The following SMARCC2 variants were observed in gnomAD, a reference collection of about 807,000 sequenced individuals.
SMARCC2 encodes the protein SWI/SNF related BAF chromatin remodeling complex subunit C2, also known as SWI/SNF complex subunit SMARCC2.
SMARCC2 carries 15 observed loss-of-function variants against 151.3 expected under a neutral mutation model. That is an observed-to-expected ratio of 0.10 (90% CI 0.07 to 0.15). The LOEUF is 0.15. SMARCC2 is among the 10% of genes least tolerant of loss of function. The pLI is 1.00. For synonymous variants in SMARCC2, 590 were observed against 609.5 expected (o/e 0.97, Z 0.47); for missense variants, 1,031 against 1,599.7 (o/e 0.64, Z 6.06).
Position 56,163,679 on chromosome 12 carries a change from G to A in SMARCC2, c.*10C>T, listed in dbSNP as rs1202414103. 2 of 1,484,996 alleles carry A rather than the reference G, an allele frequency of 1.3e-6. No homozygotes were observed. The highest frequency in any genetic ancestry group is 1.8e-6 in the Non-Finnish European group (2 of 1,119,032). 92.0% of individuals were successfully genotyped at this position (1,484,996 alleles called of 1,614,324 possible). On this transcript the variant is annotated 3_prime_UTR_variant, in exon 29 of 29. Coordinates refer to ENST00000550164, the MANE Select transcript of SMARCC2 (RefSeq NM_001330288.2). ...CAGGGGGTGAGGGGGAGAGATGTCTGGCTGGCTCCTCACTGTGGAGGTGGC... is the reference window on the plus strand; with the variant it reads ...CAGGGGGTGAGGGGGAGAGATGTCTAGCTGGCTCCTCACTGTGGAGGTGGC...
At chr12:56,178,203 G>C (rs1266390629) in intron 14 of SMARCC2, 110 bp from the exon 15 acceptor site, 1 of 1,006,500 alleles carries the variant, frequency 9.9e-7, no homozygotes, top group Non-Finnish European at 1.5e-6. Flanking sequence ...CGAAATTGCT[G>C]AAGTTAGAAG....
chr12:56,169,851 G>A lies in SMARCC2; in HGVS notation c.2473C>T (p.Pro825Ser), dbSNP rs746337416. Residue 825 changes from proline (P) to serine (S), a missense_variant, in exon 24 of 29, where the codon CCC becomes TCC. Pro to Ser is a moderately conservative substitution (Grantham distance 74). Coordinates refer to ENST00000550164, the MANE Select transcript of SMARCC2 (RefSeq NM_001330288.2). Reference protein sequence around the residue: ...EEAKEKTSEAPKKDEEKGKEG... With the variant: ...EEAKEKTSEASKKDEEKGKEG... The stretch of plus-strand genomic sequence containing the variant: ...TTCCCTTTCTCCTCATCCTTCTTGG[G>A]AGCCTCGCTGGTTTTCTCTTTTGCT... 1 of 1,613,852 alleles carries A rather than the reference G, an allele frequency of 6.2e-7. No individual in the cohort carries two copies. Among genetic ancestry groups the A allele is most frequent in the Non-Finnish European group, 8.5e-7 (1 of 1,179,946 alleles).
intron 6 of SMARCC2, 59 bp from the exon 7 acceptor site, chr12:56,183,989 C>T: frequency 7.4e-7 from 1 of 1,357,382 alleles, no homozygotes; most frequent in Non-Finnish European, 1.0e-6. Context: ...AAAAAAAATA[C>T]TGTACAAAAG....
intron 25 of SMARCC2, 100 bp downstream of exon 25, chr12:56,169,429 G>A (rs767144361): frequency 2.9e-6 from 4 of 1,362,472 alleles, no homozygotes; most frequent in Non-Finnish European, 4.0e-6. Flanking sequence ...AAATAGGTCA[G>A]CATTATTTAA....
chr12:56,168,367 CT>C (rs909971958), intron 25 of SMARCC2, among the ~76,000 whole-genome samples, 173 bp from the exon 26 acceptor site: 1 of 150,968 alleles, frequency 6.6e-6, no homozygotes, highest in Non-Finnish European at 1.5e-5. Context: ...GCCACCGTGT[CT>C]TTTTTCTTTT....
At position 56,176,888 on chromosome 12, in the gene SMARCC2, C is replaced by G. The variant is rs1323557048; in HGVS notation, c.1382+1134G>C. 5.3e-5 allele frequency among the ~76,000 whole-genome samples: 8 copies of G among 152,136 alleles called. No individual in the cohort carries two copies. In the East Asian group the frequency reaches 1.5e-3, roughly 29 times the overall value. ...CCAGGCTGGAGTGCAATGGCGTAAT[C>G]TCGGCTCACTGCAACCTCCGCCTCC... is the stretch of plus-strand genomic sequence containing the variant. On this transcript the variant is annotated intron_variant, in intron 15 of 28. Transcript: ENST00000550164.
chr12:56,179,601 A>G (rs976439564), intron 11 of SMARCC2, among the ~76,000 whole-genome samples: 1 of 152,226 alleles, frequency 6.6e-6, no homozygotes, highest in Non-Finnish European at 1.5e-5. Flanking sequence ...TTGGTGGAGC[A>G]ATGTCTCCAA....
rs1270206546 is a variant in SMARCC2 at position 56,170,122 on chromosome 12, G to C, written c.2412+22C>G. On this transcript the variant is annotated intron_variant, in intron 23 of 28. Transcript: ENST00000550164. Reference sequence around the variant, plus strand: ...CACAGTGCTGCACGCAGCCCCTGCAGCTTCCAGAAATCCCTCTATACCTTG... The same window carrying C: ...CACAGTGCTGCACGCAGCCCCTGCACCTTCCAGAAATCCCTCTATACCTTG... The C allele has an allele frequency of 6.2e-6, 10 of 1,605,766 alleles. No homozygotes were observed. The East Asian group carries it at 2.2e-4, about 36-fold the overall frequency.
chr12:56,185,186 G>A, intron 3 of SMARCC2, 75 bp from the exon 4 acceptor site: 1 of 1,270,138 alleles, frequency 7.9e-7, no homozygotes, highest in Non-Finnish European at 1.1e-6. Context: ...TGACTTTTTT[G>A]TTTGTTTTTT....
chr12:56,169,377 G>A (rs563517534), intron 25 of SMARCC2, 152 bp downstream of exon 25: 18 of 953,592 alleles, frequency 1.9e-5, no homozygotes, highest in Non-Finnish European at 2.5e-5. Context: ...CTTAGAGAAG[G>A]GATGACTAAC....
intron 17 of SMARCC2, 93 bp downstream of exon 17, chr12:56,173,603 C>G (rs1874368161): frequency 2.5e-6 from 3 of 1,193,362 alleles, no homozygotes; most frequent in African/African-American, 3.0e-5. Context: ...CCTCAAAACA[C>G]TCCTGAACCA....
chr12:56,183,772 T>C (rs1592321410), intron 7 of SMARCC2, 89 bp downstream of exon 7: 6 of 812,232 alleles, frequency 7.4e-6, no homozygotes, highest in Middle Eastern at 2.7e-4. Context: ...AAAATAACTC[T>C]GAAAGAGTGG....
At chr12:56,167,949 GAAACACAC>G in intron 26 of SMARCC2, 103 bp downstream of exon 26, 1 of 959,184 alleles carries the variant, frequency 1.0e-6, no homozygotes, top group Non-Finnish European at 1.4e-6. Flanking sequence ...CTCTTTCACT[GAAACACAC>G]ACACACACAC....
At position 56,187,089 on chromosome 12, in the gene SMARCC2, A is replaced by C. The variant is rs528515643; in HGVS notation, c.231+98T>G. Reference sequence around the variant, plus strand: ...GGTGGAAAATAACCCAAATTTCAAAAATTACAAAATTCACAAATCTTTTTT... The same window carrying C: ...GGTGGAAAATAACCCAAATTTCAAACATTACAAAATTCACAAATCTTTTTT... On this transcript the variant is annotated intron_variant, in intron 2 of 28. Transcript: ENST00000550164. 77 of 1,358,332 alleles carry C rather than the reference A, an allele frequency of 5.7e-5. No homozygotes were observed. In the East Asian group the frequency reaches 1.7e-3, roughly 30 times the overall value. The allele number at this position is 1,358,332 out of a possible 1,614,324, so 84.1% of individuals were successfully genotyped here. A position where few individuals can be genotyped will look rare whatever the true frequency, so the allele number is the denominator to read the frequency against.
chr12:56,173,681 A>G lies in SMARCC2; in HGVS notation c.1650+15T>C. Reference sequence around the variant, plus strand: ...TCTTCCCAACCCGCCCCATCCCCATAGCACCTCACCCTACCTGAGGTGTCT... The same window carrying G: ...TCTTCCCAACCCGCCCCATCCCCATGGCACCTCACCCTACCTGAGGTGTCT... On this transcript the variant is annotated intron_variant, in intron 17 of 28. Coordinates refer to ENST00000550164, the MANE Select transcript of SMARCC2 (RefSeq NM_001330288.2). The G allele has an allele frequency of 1.9e-6, 3 of 1,603,852 alleles. No individual in the cohort carries two copies. Among genetic ancestry groups the G allele is most frequent in the Admixed American group, 1.7e-5 (1 of 58,558 alleles).
chr12:56,167,998 ACG>A (rs1491125864), intron 26 of SMARCC2, 60 bp downstream of exon 26: 28 of 1,325,752 alleles, frequency 2.1e-5, no homozygotes, highest in African/African-American at 1.1e-4. Context: ...ACACACACAC[ACG>A]CCCCTCCGAT....
rs1204846124 is a variant in SMARCC2 at position 56,184,901 on chromosome 12, G to A, written c.435C>T (p.Cys145=). The A allele has an allele frequency of 6.2e-7, 1 of 1,613,360 alleles. No individual in the cohort carries two copies. Among genetic ancestry groups the A allele is most frequent in the Non-Finnish European group, 8.5e-7 (1 of 1,179,356 alleles). The change falls in exon 5 of 29, where the codon TGC becomes TGT. Residue 145 remains cysteine, a synonymous_variant. Coordinates refer to ENST00000550164, the MANE Select transcript of SMARCC2 (RefSeq NM_001330288.2). ...CTAGTAGTTTGGGCTCAATTTCTGGGCACAGAAAAATGTTAGGTCGAGACA... is the reference window on the plus strand; with the variant it reads ...CTAGTAGTTTGGGCTCAATTTCTGGACACAGAAAAATGTTAGGTCGAGACA... ...NCLSRPNIFL[C]PEIEPKLLGK...
intron 26 of SMARCC2, among the ~76,000 whole-genome samples, chr12:56,166,620 C>T (rs1872818592): frequency 6.7e-6 from 1 of 148,794 alleles, no homozygotes; most frequent in African/African-American, 2.5e-5. Context: ...GATAGGGTCT[C>T]ACTCTGTCAC....
In SMARCC2 at chr12:56,173,769, G is replaced by A. The variant is rs1874399478; in HGVS notation, c.1577C>T (p.Pro526Leu). 4 of 1,613,928 alleles carry A rather than the reference G, an allele frequency of 2.5e-6. No individual in the cohort carries two copies. The highest frequency in any genetic ancestry group is 3.4e-6 in the Non-Finnish European group (4 of 1,179,960). The change falls in exon 17 of 29, where the codon CCG becomes CTG. Residue 526 changes from proline (P) to leucine (L), a missense_variant. Physicochemically the swap from Pro to Leu is moderately conservative, Grantham distance 98 (BLOSUM62 -3). Around this residue, in one of 12 missense-constraint regions of SMARCC2, gnomAD observed 99 missense variants for 148.3 expected, o/e 0.67. Transcript: ENST00000550164. Reference protein sequence around the residue: ...AESRPTPMGPPPTSHFHVLAD... With the variant: ...AESRPTPMGPLPTSHFHVLAD... ...CAAGACATGGAAGTGAGAGGTAGGC[G>A]GAGGCCCCATTGGGGTTGGTCGACT...
Sources: gnomAD v4.1 joint callset for allele counts (sites outside exome capture counted in the v4.1 genomes callset) on GRCh38, gnomAD v4.1.1 for gene constraint, gnomAD v4.1.1 regional missense constraint, MANE v1.5 for transcripts, NCBI Gene and HGNC (gene_info 2026-07-23, HGNC 2026-07-21) for gene names.